AIM2: variants seen among roughly 807,000 people sequenced by gnomAD.
AIM2 encodes interferon-inducible protein AIM2.
A neutral mutation model predicts 27.7 loss-of-function variants in AIM2; 30 were observed. The ratio of observed to expected loss-of-function variants is 1.08; its 90% confidence interval spans 0.81 to 1.47. The LOEUF (loss-of-function observed/expected upper bound fraction) is 1.47, where lower values mean the gene tolerates loss of function less well. Among genes scored for constraint, AIM2 ranks in the 40% most tolerant of loss-of-function variants. The pLI, the probability that AIM2 is intolerant of heterozygous loss-of-function variation, is 0.00. For synonymous variants in AIM2, 141 were observed against 145.3 expected (o/e 0.97, Z 0.21); for missense variants, 358 against 411.3 (o/e 0.87, Z 1.12).
intron 1 of AIM2, among the ~76,000 whole-genome samples, chr1:159,121,001 C>T (rs1318265897): frequency 6.6e-6 from 1 of 152,108 alleles, no homozygotes; most frequent in African/African-American, 2.4e-5. Flanking sequence ...TTCTATTTTA[C>T]CAATGAAGAA....
intron 1 of AIM2, among the ~76,000 whole-genome samples, chr1:159,089,306 C>G (rs1169355076): frequency 6.6e-6 from 1 of 152,150 alleles, no homozygotes; most frequent in African/African-American, 2.4e-5. Flanking sequence ...TAAGGTCATA[C>G]AATTAGTGAA....
chr1:159,128,765 T>G lies in AIM2; in HGVS notation c.-16+11666A>C, dbSNP rs183134022. Reference sequence around the variant, plus strand: ...CATGACAATAAACTTCATCTGGTTCTCCACACTGCTCCACAAACTACATTT... The same window carrying G: ...CATGACAATAAACTTCATCTGGTTCGCCACACTGCTCCACAAACTACATTT... On this transcript the variant is annotated intron_variant, in intron 1 of 2. Coordinates refer to the AIM2 transcript ENST00000368129. Among the ~76,000 whole-genome samples, 409 of 152,304 alleles carry G rather than the reference T, an allele frequency of 2.7e-3. 2 individuals are homozygous for G. Among genetic ancestry groups the G allele is most frequent in the African/African-American group, 9.2e-3 (384 of 41,562 alleles).
intron 1 of AIM2, among the ~76,000 whole-genome samples, chr1:159,128,569 A>G (rs1038073496): frequency 6.6e-6 from 1 of 151,968 alleles, no homozygotes; most frequent in Non-Finnish European, 1.5e-5. Context: ...CTTCACCTCT[A>G]TGGCCTTCCA....
intron 5 of AIM2, 104 bp from the exon 6 acceptor site, chr1:159,062,822 A>C (rs989918069): frequency 2.7e-6 from 3 of 1,111,860 alleles, no homozygotes; most frequent in Non-Finnish European, 2.7e-6. Context: ...TCATCTTCTC[A>C]TAAAATTATT....
At chr1:159,077,374 G>A (rs916175291), upstream of AIM2, among the ~76,000 whole-genome samples, 3 of 152,188 alleles carry the variant, frequency 2.0e-5, no homozygotes, top group African/African-American at 4.8e-5. Context: ...TGGTTAATCC[G>A]GAACTGTCAT....
chr1:159,102,040 A>C (rs1270802997), intron 1 of AIM2, among the ~76,000 whole-genome samples: 1 of 152,196 alleles, frequency 6.6e-6, no homozygotes, highest in Non-Finnish European at 1.5e-5. Flanking sequence ...AGCCCCTCCC[A>C]TCACAGCCTC....
chr1:159,113,667 A>G (rs1647252621), intron 1 of AIM2, among the ~76,000 whole-genome samples: 1 of 152,150 alleles, frequency 6.6e-6, no homozygotes, highest in South Asian at 2.1e-4. Context: ...TCTGATTAGA[A>G]ACTTGTTCTT....
At chr1:159,103,194 C>G (rs1396211672) in intron 1 of AIM2, among the ~76,000 whole-genome samples, 2 of 152,198 alleles carry the variant, frequency 1.3e-5, no homozygotes, top group Non-Finnish European at 2.9e-5. Flanking sequence ...CCTGCTGGCA[C>G]TCATTCTGTC....
chr1:159,098,195 AAAG>A (rs1467358825), intron 1 of AIM2, among the ~76,000 whole-genome samples: 1 of 152,140 alleles, frequency 6.6e-6, no homozygotes, highest in Non-Finnish European at 1.5e-5. Flanking sequence ...TCACCATGGA[AAAG>A]AATAACCACT....
chr1:159,056,580 T>C, the AIM2 span, among the ~76,000 whole-genome samples: 1 of 151,954 alleles, frequency 6.6e-6, no homozygotes, highest in East Asian at 1.9e-4. Context: ...TGGAGTTTGA[T>C]GGCCTGAAGG....
intron 1 of AIM2, among the ~76,000 whole-genome samples, chr1:159,085,471 G>A (rs1656886736): frequency 1.3e-5 from 2 of 152,176 alleles, no homozygotes; most frequent in Non-Finnish European, 2.9e-5. Flanking sequence ...GGAGGAGTAG[G>A]TCAAAGTAAG....
chr1:159,100,313 G>A (rs941931028), intron 1 of AIM2, among the ~76,000 whole-genome samples: 5 of 152,092 alleles, frequency 3.3e-5, no homozygotes, highest in African/African-American at 1.2e-4. Context: ...AAAACCATTT[G>A]TGTTGGGAAA....
upstream of AIM2, among the ~76,000 whole-genome samples, chr1:159,080,366 CTA>C (rs1220881272): frequency 6.6e-6 from 1 of 152,142 alleles, no homozygotes; most frequent in Non-Finnish European, 1.5e-5. Flanking sequence ...AGGAGAAAAT[CTA>C]TGACTCTGAA....
At chr1:159,096,413 A>G (rs1008089508) in intron 1 of AIM2, among the ~76,000 whole-genome samples, 5 of 152,190 alleles carry the variant, frequency 3.3e-5, no homozygotes, top group Non-Finnish European at 2.9e-5. Flanking sequence ...TGAATAGCTC[A>G]TAGTCTGAGC....
chr1:159,102,691 T>C (rs563938763), intron 1 of AIM2, among the ~76,000 whole-genome samples: 19 of 152,348 alleles, frequency 1.2e-4, no homozygotes, highest in East Asian at 3.9e-4. Context: ...AGCTTTAAGA[T>C]TTGACTGCCC....
At chr1:159,079,688 G>T (rs944966847), upstream of AIM2, among the ~76,000 whole-genome samples, 2 of 152,138 alleles carry the variant, frequency 1.3e-5, no homozygotes, top group Non-Finnish European at 2.9e-5. Flanking sequence ...GACTGAGCAT[G>T]ACACATCATT....
intron 1 of AIM2, among the ~76,000 whole-genome samples, chr1:159,113,785 G>T (rs1019290760): frequency 5.3e-5 from 8 of 152,194 alleles, no homozygotes; most frequent in African/African-American, 1.9e-4. Context: ...TATTTTGATA[G>T]GGTAAGAACA....
At chr1:159,067,524 G>A (rs1269391235) in intron 3 of AIM2, among the ~76,000 whole-genome samples, 1 of 152,176 alleles carries the variant, frequency 6.6e-6, no homozygotes, top group African/African-American at 2.4e-5. Context: ...CAGCATAACT[G>A]ACTGCATTTG....
At position 159,063,135 on chromosome 1, in the gene AIM2, C is replaced by T. The variant is rs977309686; in HGVS notation, c.1005+351G>A. ...GGTGGGACTGGCTAGGGAAATGTGTCCTCAAAGTATTTATTGTCTGTCTAC... is the reference window on the plus strand; with the variant it reads ...GGTGGGACTGGCTAGGGAAATGTGTTCTCAAAGTATTTATTGTCTGTCTAC... On this transcript the variant is annotated intron_variant, in intron 5 of 5. Transcript: ENST00000368130. Among the ~76,000 whole-genome samples, 136 of 152,214 alleles carry T rather than the reference C, an allele frequency of 8.9e-4. 1 individual carries two copies. The highest frequency in any genetic ancestry group is 3.1e-3 in the African/African-American group (127 of 41,546).
Sources: allele counts gnomAD v4.1 joint callset (sites outside exome capture counted in the v4.1 genomes callset), GRCh38; gene constraint gnomAD v4.1.1; transcripts MANE v1.5; gene names NCBI Gene and HGNC (gene_info 2026-07-23, HGNC 2026-07-21).